IL6ST: variants seen among roughly 807,000 people sequenced by gnomAD.
The protein encoded by IL6ST is interleukin 6 cytokine family signal transducer, also known as interleukin-6 receptor subunit beta.
A neutral mutation model predicts 91.3 loss-of-function variants in IL6ST; 24 were observed. The ratio of observed to expected loss-of-function variants is 0.26; its 90% CI spans 0.19 to 0.37. The LOEUF (loss-of-function observed/expected upper bound fraction) is 0.37, where lower values mean the gene tolerates loss of function less well. IL6ST is among the 10% of genes least tolerant of loss of function. The pLI is 1.00. For missense variants in IL6ST, 914 were observed against 1,078.5 expected, an observed-to-expected ratio of 0.85 and a Z score of 2.14; for synonymous variants, 351 against 373.6, an observed-to-expected ratio of 0.94 and a Z score of 0.70.
chr5:55,947,584 C>A lies in IL6ST; in HGVS notation c.1846G>T (p.Gly616Ter). The A allele has an allele frequency of 4.7e-6, 4 of 855,128 alleles. No homozygotes were observed. The highest frequency in any genetic ancestry group is 2.7e-5 in the East Asian group (1 of 37,002). The allele number at this position is 855,128 out of a possible 1,614,324, so 53.0% of individuals were successfully genotyped here. Residue 616 changes from glycine (G) to a stop codon, truncating the protein, a stop_gained, in exon 15 of 17, where the codon GGA becomes TGA. Coordinates refer to ENST00000381298, the MANE Select transcript of IL6ST (RefSeq NM_002184.4). LOFTEE classifies it high-confidence loss of function. ...GGCACGACTATGGCTTCAATTTCTC[C>A]TTGAGCTTAAAAAAAAAAAAAAAAA... ...FTFTTPKFAQGEIEAIVVPVC... is the reference protein window; with the variant it reads ...FTFTTPKFAQ
Position 55,989,771 on chromosome 5 carries a change from G to A in IL6ST, c.-104+5013C>T, listed in dbSNP as rs3804272. Among the ~76,000 whole-genome samples, 29 of 152,266 alleles carry A rather than the reference G, an allele frequency of 1.9e-4. No homozygotes were observed. The East Asian group carries it at 3.7e-3, about 19-fold the overall frequency. On this transcript the variant is annotated intron_variant, in intron 1 of 16. Coordinates refer to ENST00000381298, the MANE Select transcript of IL6ST (RefSeq NM_002184.4). ...AATACCCAATTCAGACAGGGGCCAG[G>A]AGCGCCCAGTCTTAAAATAAGGGTA...
intron 15 of IL6ST, among the ~76,000 whole-genome samples, chr5:55,943,241 A>G (rs1751032779): frequency 6.6e-6 from 1 of 152,174 alleles, no homozygotes; most frequent in African/African-American, 2.4e-5. Context: ...GAAGTAATAT[A>G]AAAAGTAGTA....
chr5:55,991,714 T>C lies in IL6ST; in HGVS notation c.-104+3070A>G, dbSNP rs569378118. Among the ~76,000 whole-genome samples the C allele has an allele frequency of 1.6e-3, 241 of 151,676 alleles. 1 individual carries two copies. The highest frequency in any genetic ancestry group is 1.0e-3 in the Non-Finnish European group (71 of 67,900). On this transcript the variant is annotated intron_variant, in intron 1 of 16. Coordinates refer to ENST00000381298, the MANE Select transcript of IL6ST (RefSeq NM_002184.4). The stretch of plus-strand genomic sequence containing the variant: ...GGCTTTGATGTGCCTATCCAATCTA[T>C]CTTTTCCAATACTCAAGTTTCTCTA...
chr5:55,941,085 C>A lies in IL6ST; in HGVS notation c.2754G>T (p.Gln918His), dbSNP rs777555195. The A allele has an allele frequency of 6.2e-7, 1 of 1,608,036 alleles. No individual in the cohort carries two copies. The highest frequency in any genetic ancestry group is 1.1e-5 in the South Asian group (1 of 90,176). ...TGTAGCAGGAACTACTAGTCCTTCA[C>A]TGAGGCATGTAGCCGCCTTGCCGTA... The part of the protein sequence containing the change: ...QTVRQGGYMP[Q>H] The change falls in exon 17 of 17, where the codon CAG becomes CAT. Residue 918 changes from glutamine (Q) to histidine (H), a missense_variant. Physicochemically the swap from Gln to His is conservative, Grantham distance 24. Transcript: ENST00000381298.
At chr5:55,977,888 C>T (rs1266798441) in intron 2 of IL6ST, among the ~76,000 whole-genome samples, 1 of 151,776 alleles carries the variant, frequency 6.6e-6, no homozygotes, top group African/African-American at 2.4e-5. Context: ...GTCCCAGCTA[C>T]TCATGAGGCT....
At position 55,994,882 on chromosome 5, in the gene IL6ST, G is replaced by C. The variant is rs1055765261; in HGVS notation, c.-202C>G. 3 of 152,258 alleles carry C rather than the reference G, an allele frequency of 2.0e-5. No individual in the cohort carries two copies. The highest frequency in any genetic ancestry group is 4.4e-5 in the Non-Finnish European group (3 of 68,106). The allele number at this position is 152,258 out of a possible 1,614,324, so 9.4% of individuals were successfully genotyped here. A position where few individuals can be genotyped will look rare whatever the true frequency, so the allele number is the denominator to read the frequency against. On this transcript the variant is annotated 5_prime_UTR_variant, in exon 1 of 17. Transcript: ENST00000381298. ...CGTCGGCCTGGCAGGCGCGGCCCCC[G>C]GTTCAGCTGCGCCGGGGCGGCCCAG...
Position 55,937,822 on chromosome 5 carries a change from A to C in IL6ST, c.*3260T>G, listed in dbSNP as rs1462673685. ...CAACAAAATAAAACTTTATTGAAAC[A>C]AAAGTGTATGGTTTAGGAATATGCT... is the stretch of plus-strand genomic sequence containing the variant. On this transcript the variant is annotated 3_prime_UTR_variant, in exon 17 of 17. Coordinates refer to ENST00000381298, the MANE Select transcript of IL6ST (RefSeq NM_002184.4). 1 of 194,934 alleles carries C rather than the reference A, an allele frequency of 5.1e-6. No individual in the cohort carries two copies. Among genetic ancestry groups the C allele is most frequent in the Non-Finnish European group, 1.1e-5 (1 of 93,722 alleles). 12.1% of individuals were successfully genotyped at this position (194,934 alleles called of 1,614,324 possible). A position where few individuals can be genotyped will look rare whatever the true frequency, so the allele number is the denominator to read the frequency against.
At chr5:55,979,429 T>G (rs1753514602) in intron 2 of IL6ST, among the ~76,000 whole-genome samples, 1 of 152,198 alleles carries the variant, frequency 6.6e-6, no homozygotes, top group African/African-American at 2.4e-5. Context: ...ATAAATTCAC[T>G]GAGCTGTACA....
At chr5:55,987,846 T>C (rs1243509226) in intron 1 of IL6ST, among the ~76,000 whole-genome samples, 2 of 152,132 alleles carry the variant, frequency 1.3e-5, no homozygotes, top group Non-Finnish European at 2.9e-5. Flanking sequence ...ATAAGAAACC[T>C]ACAAGGCCAG....
intron 5 of IL6ST, among the ~76,000 whole-genome samples, chr5:55,964,936 G>C (rs1449401634): frequency 6.6e-6 from 1 of 152,010 alleles, no homozygotes; most frequent in East Asian, 1.9e-4. Flanking sequence ...AAACAAAAAT[G>C]GTTAGCCTCT....
chr5:55,947,592 TAAAAAAAAAAAAA>T lies in IL6ST; in HGVS notation c.1841-16_1841-4del, dbSNP rs71602925. 25 of 392,208 alleles carry T rather than the reference TAAAAAAAAAAAAA, an allele frequency of 6.4e-5. No individual in the cohort carries two copies. The highest frequency in any genetic ancestry group is 2.2e-4 in the Admixed American group (4 of 18,008). 24.3% of individuals were successfully genotyped at this position (392,208 alleles called of 1,614,324 possible). A position where few individuals can be genotyped will look rare whatever the true frequency, so the allele number is the denominator to read the frequency against. On this transcript the variant is annotated splice_polypyrimidine_tract_variant and splice_region_variant and intron_variant, in intron 14 of 16. Coordinates refer to ENST00000381298, the MANE Select transcript of IL6ST (RefSeq NM_002184.4). Reference sequence around the variant, plus strand: ...TATGGCTTCAATTTCTCCTTGAGCTTAAAAAAAAAAAAAAAAAAAAAAAAAGAGGTGTGATGGG... The same window carrying T: ...TATGGCTTCAATTTCTCCTTGAGCTTAAAAAAAAAAAAGAGGTGTGATGGG...
At chr5:55,962,980 G>A (rs746084814) in intron 7 of IL6ST, among the ~76,000 whole-genome samples, 4 of 151,908 alleles carry the variant, frequency 2.6e-5, no homozygotes, top group Non-Finnish European at 4.4e-5. Flanking sequence ...TAAAAAGCCA[G>A]GTGTGGTGGT....
chr5:55,990,989 G>C (rs146544760), intron 1 of IL6ST, among the ~76,000 whole-genome samples: 5,062 of 151,192 alleles, frequency 0.033, 290 homozygotes, highest in African/African-American at 0.12. Flanking sequence ...AACATGCGGT[G>C]TTTGGTTTTC....
At chr5:55,959,699 A>G (rs1752192073) in intron 8 of IL6ST, 6 of 1,184,324 alleles carry the variant, frequency 5.1e-6, no homozygotes, top group Non-Finnish European at 6.7e-6. Flanking sequence ...AATAAAAGGT[A>G]TAATACAAGT....
chr5:55,936,633 C>T lies in IL6ST; in HGVS notation c.*4449G>A, dbSNP rs1213154882. ...ATATGCATAGTCAGATGATAGTAAC[C>T]ACATACAGAAAAAAAATTTGAACAA... is the stretch of plus-strand genomic sequence containing the variant. On this transcript the variant is annotated 3_prime_UTR_variant, in exon 17 of 17. Coordinates refer to ENST00000381298, the MANE Select transcript of IL6ST (RefSeq NM_002184.4). The T allele has an allele frequency of 3.1e-5, 6 of 195,560 alleles. No individual in the cohort carries two copies. Among genetic ancestry groups the T allele is most frequent in the Admixed American group, 2.4e-4 (4 of 16,444 alleles). 12.1% of individuals were successfully genotyped at this position (195,560 alleles called of 1,614,324 possible).
At chr5:55,961,920 C>T (rs189871468) in intron 7 of IL6ST, among the ~76,000 whole-genome samples, 2 of 152,268 alleles carry the variant, frequency 1.3e-5, no homozygotes, top group Admixed American at 6.5e-5. Context: ...GAAATCTATA[C>T]AGGTCAGCAT....
chr5:55,957,131 C>T (rs1752030809), intron 9 of IL6ST, 78 bp downstream of exon 9: 1 of 706,532 alleles, frequency 1.4e-6, no homozygotes, highest in Non-Finnish European at 2.3e-6. Flanking sequence ...ACACTCCTGC[C>T]TGGCAATGGA....
intron 9 of IL6ST, among the ~76,000 whole-genome samples, chr5:55,956,498 T>TA (rs1421704838): frequency 6.6e-6 from 1 of 152,250 alleles, no homozygotes; most frequent in Non-Finnish European, 1.5e-5. Context: ...GCACTGTGGC[T>TA]ATGTAGGTCT....
At chr5:55,967,916 C>T (rs1752730568) in intron 5 of IL6ST, among the ~76,000 whole-genome samples, 2 of 152,120 alleles carry the variant, frequency 1.3e-5, no homozygotes, top group Admixed American at 6.6e-5. Flanking sequence ...CCTGCCTCAA[C>T]CTCCGAGTCA....
Sources: allele counts gnomAD v4.1 joint callset (sites outside exome capture counted in the v4.1 genomes callset), GRCh38; gene constraint gnomAD v4.1.1; transcripts MANE v1.5; gene names NCBI Gene and HGNC (gene_info 2026-07-23, HGNC 2026-07-21).